BLOC1S5: variants seen among roughly 807,000 people sequenced by gnomAD.
BLOC1S5 encodes biogenesis of lysosome-related organelles complex 1 subunit 5.
BLOC1S5 carries 27 observed loss-of-function variants against 24.3 expected under a neutral mutation model. The ratio of observed to expected loss-of-function variants is 1.11; its 90% CI spans 0.82 to 1.53. The LOEUF is 1.53. Ranked by LOEUF, BLOC1S5 falls within the 40% of genes most tolerant of loss-of-function variation. BLOC1S5 has a pLI of 0.00. For missense variants in BLOC1S5, 239 were observed against 229.4 expected, an observed-to-expected ratio of 1.04 and a Z score of -0.27; for synonymous variants, 84 against 74.5, an observed-to-expected ratio of 1.13 and a Z score of -0.66.
chr6:8,043,043 G>A (rs184405381), intron 2 of BLOC1S5, among the ~76,000 whole-genome samples: 6 of 152,244 alleles, frequency 3.9e-5, no homozygotes, highest in Non-Finnish European at 7.4e-5. Context: ...TGCTGACACT[G>A]CTTTGTATTC....
intron 2 of BLOC1S5, among the ~76,000 whole-genome samples, chr6:8,047,160 T>TCTCTCTCTCTCACACA (rs1475934039): frequency 2.4e-5 from 3 of 126,916 alleles, no homozygotes; most frequent in African/African-American, 3.2e-5. Flanking sequence ...TCTCTCTCTC[T>TCTCTCTCTCTCACACA]CACACACACA....
At chr6:8,048,151 C>G (rs149265618) in intron 2 of BLOC1S5, among the ~76,000 whole-genome samples, 92 of 152,338 alleles carry the variant, frequency 6.0e-4, no homozygotes, top group Non-Finnish European at 1.1e-3. Context: ...ATAATTGGTA[C>G]TCAGATTATC....
chr6:8,027,168 C>T (rs918865622), intron 3 of BLOC1S5: 10 of 318,700 alleles, frequency 3.1e-5, no homozygotes, highest in African/African-American at 4.4e-5. Flanking sequence ...ACCTTTTCAC[C>T]GCCAGATGCA....
chr6:8,022,019 T>C (rs1392270625), intron 4 of BLOC1S5, among the ~76,000 whole-genome samples: 2 of 152,074 alleles, frequency 1.3e-5, no homozygotes, highest in African/African-American at 4.8e-5. Flanking sequence ...CAATTAAAGA[T>C]AATTTGAAAT....
At chr6:8,047,871 ACT>A in intron 2 of BLOC1S5, among the ~76,000 whole-genome samples, 1 of 152,326 alleles carries the variant, frequency 6.6e-6, no homozygotes, top group Middle Eastern at 3.4e-3. Flanking sequence ...TAGCAGAAAT[ACT>A]CTATGAGGAG....
chr6:8,042,538 C>T, intron 2 of BLOC1S5, among the ~76,000 whole-genome samples: 1 of 152,228 alleles, frequency 6.6e-6, no homozygotes, highest in East Asian at 1.9e-4. Context: ...CTTGTCCAAC[C>T]CACGGCAGAC....
chr6:8,035,914 C>A (rs1441813225), intron 3 of BLOC1S5, among the ~76,000 whole-genome samples: 1 of 152,160 alleles, frequency 6.6e-6, no homozygotes, highest in Admixed American at 6.5e-5. Flanking sequence ...CTTCATCCAA[C>A]TGCAGCAGGT....
intron 3 of BLOC1S5, among the ~76,000 whole-genome samples, chr6:8,035,409 C>T (rs1170438147): frequency 6.6e-6 from 1 of 150,968 alleles, no homozygotes; most frequent in African/African-American, 2.4e-5. Context: ...CTCTATACTG[C>T]CTACGAGAAA....
chr6:8,054,399 T>TAAGC, intron 2 of BLOC1S5: 1 of 335,696 alleles, frequency 3.0e-6, no homozygotes, highest in Middle Eastern at 3.9e-4. Flanking sequence ...ATTGAATGCT[T>TAAGC]ACCCACTGTT....
chr6:8,036,686 T>C (rs987810858), intron 3 of BLOC1S5, among the ~76,000 whole-genome samples: 9 of 151,954 alleles, frequency 5.9e-5, no homozygotes, highest in African/African-American at 1.9e-4. Context: ...CAGCATTACC[T>C]CAATATCAAA....
intron 2 of BLOC1S5, among the ~76,000 whole-genome samples, chr6:8,061,845 C>T (rs1211551601): frequency 6.6e-6 from 1 of 152,222 alleles, no homozygotes; most frequent in Non-Finnish European, 1.5e-5. Flanking sequence ...TCATGCATCA[C>T]TGTCGCTGGA....
chr6:8,041,072 A>G (rs748077600), intron 3 of BLOC1S5, 67 bp downstream of exon 3: 2 of 1,516,372 alleles, frequency 1.3e-6, no homozygotes, highest in South Asian at 1.3e-5. Flanking sequence ...ATAATACCCA[A>G]GAAAATACAT....
intron 3 of BLOC1S5, among the ~76,000 whole-genome samples, chr6:8,029,741 T>C (rs1361092781): frequency 6.6e-6 from 1 of 152,100 alleles, no homozygotes; most frequent in Non-Finnish European, 1.5e-5. Context: ...CCTCCCCCAT[T>C]CAAGATGAGT....
chr6:8,056,862 TAC>T (rs748500535), intron 2 of BLOC1S5, among the ~76,000 whole-genome samples: 1 of 152,212 alleles, frequency 6.6e-6, no homozygotes, highest in Non-Finnish European at 1.5e-5. Flanking sequence ...AACGGGTAGT[TAC>T]ACACAGTAAG....
intron 4 of BLOC1S5, among the ~76,000 whole-genome samples, chr6:8,016,845 C>A: frequency 6.9e-6 from 1 of 144,046 alleles, no homozygotes; most frequent in Admixed American, 7.2e-5. Context: ...CGCCATTGCA[C>A]TCCAGCCTGG....
rs377496469 is a variant in BLOC1S5, at chr6:8,031,700, A to G, written c.326-5275T>C. 5.1e-4 allele frequency among the ~76,000 whole-genome samples: 77 copies of G among 152,288 alleles called. No homozygotes were observed. In the East Asian group the frequency reaches 5.4e-3, roughly 11 times the overall value. ...AAAATAACTAACCTGAGGTCATCAC[A>G]CTACCTGACTTCAAACTACACTACA... is the stretch of plus-strand genomic sequence containing the variant. On this transcript the variant is annotated intron_variant, in intron 3 of 4. Transcript: ENST00000397457.
intron 2 of BLOC1S5, among the ~76,000 whole-genome samples, chr6:8,048,064 T>C (rs1269735458): frequency 1.3e-5 from 2 of 152,250 alleles, no homozygotes; most frequent in African/African-American, 2.4e-5. Context: ...CTATGACTCA[T>C]AGATTTAGAG....
chr6:8,019,615 G>GGC (rs1762856875), intron 4 of BLOC1S5, among the ~76,000 whole-genome samples: 1 of 151,668 alleles, frequency 6.6e-6, no homozygotes, highest in Non-Finnish European at 1.5e-5. Context: ...AAAGGGGGGG[G>GGC]GGGCGCCTAT....
chr6:8,026,389 T>C lies in BLOC1S5; in HGVS notation c.362A>G (p.Gln121Arg). The C allele has an allele frequency of 6.2e-7, 1 of 1,613,314 alleles. No homozygotes were observed. The highest frequency in any genetic ancestry group is 8.5e-7 in the Non-Finnish European group (1 of 1,179,506). ...TACCTTTTTTCGTTCCTGTTCCCTCTGTTGGAGTCTACAGACTGAGTCATT... is the reference window on the plus strand; with the variant it reads ...TACCTTTTTTCGTTCCTGTTCCCTCCGTTGGAGTCTACAGACTGAGTCATT... ...AANDSVCRLQ[Q>R]REQERKKIHS... The change falls in exon 4 of 5, where the codon CAG (glutamine) becomes CGG (arginine). Residue 121 changes from glutamine (Q) to arginine (R), a missense_variant. Transcript: ENST00000397457.
Sources: allele counts gnomAD v4.1 joint callset (sites outside exome capture counted in the v4.1 genomes callset), GRCh38; gene constraint gnomAD v4.1.1; transcripts MANE v1.5; gene names NCBI Gene and HGNC (gene_info 2026-07-23, HGNC 2026-07-21).